The following GPT2 variants were observed in gnomAD, a reference collection of about 807,000 sequenced individuals.
GPT2 encodes alanine aminotransferase 2.
In GPT2, 30 loss-of-function variants were observed where a neutral mutation model predicts 56.9. The ratio of observed to expected loss-of-function variants is 0.53; its 90% CI spans 0.39 to 0.72. The LOEUF is 0.72. Ranked by LOEUF, GPT2 falls within the 30% of genes least tolerant of loss-of-function variation. The pLI is 0.00. For missense variants in GPT2, 542 were observed against 703.4 expected (o/e 0.77, Z 2.60); for synonymous variants, 271 against 283.1 (o/e 0.96, Z 0.43).
Position 46,884,939 on chromosome 16 carries a change from T to A in GPT2, c.224T>A (p.Ile75Asn). Residue 75 changes from isoleucine to asparagine, a missense_variant, in exon 2 of 12, where the codon ATC becomes AAC. Physicochemically the swap from Ile to Asn is moderately radical, Grantham distance 149. Transcript: ENST00000340124. The part of the protein sequence containing the change: ...RGPIVLKAGE[I>N]ELELQRGIKK... ...CCCATCGTGCTCAAGGCCGGCGAGA[T>A]CGAGCTCGAGCTGCAGCGGGTGAGC... The A allele has an allele frequency of 1.3e-6, 2 of 1,519,846 alleles. No individual in the cohort carries two copies. The highest frequency in any genetic ancestry group is 1.8e-6 in the Non-Finnish European group (2 of 1,130,970). The allele number at this position is 1,519,846 out of a possible 1,614,324, so 94.1% of individuals were successfully genotyped here. A position where few individuals can be genotyped will look rare whatever the true frequency, so the allele number is the denominator to read the frequency against.
intron 4 of GPT2, among the ~76,000 whole-genome samples, chr16:46,901,758 C>T (rs1054494828): frequency 6.6e-6 from 1 of 152,190 alleles, no homozygotes; most frequent in East Asian, 1.9e-4. Flanking sequence ...CTGTGCTTAC[C>T]CTCCTGGCTG....
At chr16:46,893,271 C>T (rs927320228) in intron 2 of GPT2, among the ~76,000 whole-genome samples, 1 of 152,232 alleles carries the variant, frequency 6.6e-6, no homozygotes, top group Non-Finnish European at 1.5e-5. Context: ...GCTGGGACTA[C>T]AGGCGCGTGC....
chr16:46,905,220 C>T (rs4246381), intron 4 of GPT2, among the ~76,000 whole-genome samples: 24,068 of 152,044 alleles, frequency 0.16, 2,183 homozygotes, highest in African/African-American at 0.25. Context: ...CCATACCTGG[C>T]TGATTTTTTT....
Position 46,921,985 on chromosome 16 carries a change from G to A in GPT2, c.1038-257G>A, listed in dbSNP as rs548932401. Among the ~76,000 whole-genome samples the A allele has an allele frequency of 1.7e-3, 254 of 152,316 alleles. 1 individual carries two copies. The highest frequency in any genetic ancestry group is 6.8e-3 in the Middle Eastern group (2 of 294). ...GAAGTGGGACTATTGCTTGAGCCTA[G>A]GTGGTTGAGGCTGCAGTGAGCTATG... On this transcript the variant is annotated intron_variant, in intron 8 of 11. Transcript: ENST00000340124.
Position 46,930,143 on chromosome 16 carries a change from C to T in GPT2, c.*1146C>T, listed in dbSNP as rs1961510678. 1 of 152,934 alleles carries T rather than the reference C, an allele frequency of 6.5e-6. No homozygotes were observed. Among genetic ancestry groups the T allele is most frequent in the African/African-American group, 2.4e-5 (1 of 41,482 alleles). 9.5% of individuals were successfully genotyped at this position (152,934 alleles called of 1,614,324 possible). A position where few individuals can be genotyped will look rare whatever the true frequency, so the allele number is the denominator to read the frequency against. On this transcript the variant is annotated 3_prime_UTR_variant, in exon 12 of 12. Coordinates refer to ENST00000340124, the MANE Select transcript of GPT2 (RefSeq NM_133443.4). The stretch of plus-strand genomic sequence containing the variant: ...TTGCCTTCATGTTAGCTTCCGGCTC[C>T]CCTCCCAGGCTGCAGACTCTGACCT...
chr16:46,897,811 C>T, intron 3 of GPT2, 74 bp downstream of exon 3: 6 of 1,283,546 alleles, frequency 4.7e-6, no homozygotes, highest in East Asian at 2.3e-5. Context: ...AGGGGCCGTC[C>T]TCTGCCCCCT....
intron 6 of GPT2, among the ~76,000 whole-genome samples, chr16:46,910,515 A>G (rs967701855): frequency 5.9e-5 from 9 of 151,626 alleles, no homozygotes; most frequent in African/African-American, 1.7e-4. Context: ...AGATTATGCC[A>G]CTGCACTCCA....
rs1960437429 is a variant in GPT2 at position 46,884,388 on chromosome 16, G to A, written c.-102G>A. 1 of 194,526 alleles carries A rather than the reference G, an allele frequency of 5.1e-6. No homozygotes were observed. Among genetic ancestry groups the A allele is most frequent in the Non-Finnish European group, 1.0e-5 (1 of 96,196 alleles). 12.0% of individuals were successfully genotyped at this position (194,526 alleles called of 1,614,324 possible). A position where few individuals can be genotyped will look rare whatever the true frequency, so the allele number is the denominator to read the frequency against. ...GCGCGGGCGCCGGGCGCGGGGATGC[G>A]GCTGTGGGCGCCGGGGCCGGGTAGC... On this transcript the variant is annotated 5_prime_UTR_variant, in exon 1 of 12. Coordinates refer to ENST00000340124, the MANE Select transcript of GPT2 (RefSeq NM_133443.4).
Position 46,922,293 on chromosome 16 carries a change from C to A in GPT2, c.1089C>A (p.Ile363=). The change falls in exon 9 of 12, where the codon ATC becomes ATA. Residue 363 remains isoleucine (I), a synonymous_variant. Transcript: ENST00000340124. ...AGGTGATCAACCTGCACCCTGAGAT[C>A]AAGGGCCAGCTGGTGAAGCTGCTGT... is the stretch of plus-strand genomic sequence containing the variant. ...YMEVINLHPE[I]KGQLVKLLSV... The A allele has an allele frequency of 1.2e-6, 2 of 1,614,166 alleles. No homozygotes were observed. The highest frequency in any genetic ancestry group is 8.5e-7 in the Non-Finnish European group (1 of 1,180,020).
intron 7 of GPT2, among the ~76,000 whole-genome samples, chr16:46,918,283 C>G (rs1043950254): frequency 3.9e-5 from 6 of 152,156 alleles, no homozygotes; most frequent in Admixed American, 6.6e-5. Context: ...CAAGGAAGCA[C>G]CGTGCTTTAG....
intron 2 of GPT2, among the ~76,000 whole-genome samples, chr16:46,895,847 A>T (rs1332512059): frequency 6.6e-6 from 1 of 152,200 alleles, no homozygotes; most frequent in African/African-American, 2.4e-5. Context: ...GTTTTTACTT[A>T]AGGTGTACAT....
chr16:46,925,848 C>T (rs1219555530), intron 10 of GPT2, among the ~76,000 whole-genome samples: 2 of 151,636 alleles, frequency 1.3e-5, no homozygotes, highest in African/African-American at 4.8e-5. Context: ...AAAAAGAATC[C>T]CTGGGCCAGG....
chr16:46,886,705 G>A (rs887256219), intron 2 of GPT2, among the ~76,000 whole-genome samples: 1 of 152,146 alleles, frequency 6.6e-6, no homozygotes, highest in Non-Finnish European at 1.5e-5. Context: ...AGTCTTGTGT[G>A]CTGGGATTAG....
At chr16:46,906,733 A>C (rs1055480444) in intron 4 of GPT2, 109 bp from the exon 5 acceptor site, 1 of 1,450,432 alleles carries the variant, frequency 6.9e-7, no homozygotes, top group Non-Finnish European at 9.5e-7. Flanking sequence ...CCCCACCCCG[A>C]GACCCTCACC....
At chr16:46,924,187 A>C in intron 9 of GPT2, 1 of 656,690 alleles carries the variant, frequency 1.5e-6, no homozygotes, top group South Asian at 1.6e-5. Flanking sequence ...CACCCCACCC[A>C]CTCCGTCTGT....
intron 7 of GPT2, among the ~76,000 whole-genome samples, chr16:46,918,399 G>A (rs529096866): frequency 1.8e-4 from 28 of 152,194 alleles, no homozygotes; most frequent in Non-Finnish European, 3.5e-4. Flanking sequence ...GAGAAATCAA[G>A]TGAGCTCCTG....
At chr16:46,919,454 CTG>C (rs1961238271) in intron 8 of GPT2, among the ~76,000 whole-genome samples, 1 of 152,182 alleles carries the variant, frequency 6.6e-6, no homozygotes, top group Non-Finnish European at 1.5e-5. Flanking sequence ...TGGTGGGGAA[CTG>C]TGCAGATATC....
chr16:46,928,955 G>A lies in GPT2; in HGVS notation c.1530G>A (p.Lys510=), dbSNP rs771928075. 4.3e-6 allele frequency: 7 copies of A among 1,614,178 alleles called. No homozygotes were observed. The East Asian group carries it at 8.9e-5, about 21-fold the overall frequency. Reference sequence around the variant, plus strand: ...AGAAGCTGAAAACGGTGCTGCAGAAGGTGAAAGACTTCCACATCAACTTCC... The same window carrying A: ...AGAAGCTGAAAACGGTGCTGCAGAAAGTGAAAGACTTCCACATCAACTTCC... The part of the protein sequence containing the change: ...PVEKLKTVLQ[K]VKDFHINFLE... Residue 510 remains lysine, a synonymous_variant, in exon 12 of 12, where the codon AAG becomes AAA. Transcript: ENST00000340124.
intron 2 of GPT2, among the ~76,000 whole-genome samples, chr16:46,885,886 TG>T (rs1014315768): frequency 1.2e-4 from 19 of 152,236 alleles, no homozygotes; most frequent in Admixed American, 9.8e-4. Context: ...CCTAGCTGCT[TG>T]CTAGAGAGAG....
Sources: gnomAD v4.1 joint callset for allele counts (sites outside exome capture counted in the v4.1 genomes callset) on GRCh38, gnomAD v4.1.1 for gene constraint, MANE v1.5 for transcripts, NCBI Gene and HGNC (gene_info 2026-07-23, HGNC 2026-07-21) for gene names.